Variants in NOVA2 observed in about 807,000 individuals in gnomAD.
NOVA2 encodes the protein RNA-binding protein Nova-2.
NOVA2 carries 9 observed loss-of-function variants against 22.5 expected under a neutral mutation model. That is an observed-to-expected ratio of 0.40 (90% CI 0.24 to 0.70). The LOEUF is 0.70. Among genes scored for constraint, NOVA2 ranks in the 30% least tolerant of loss-of-function variants. The pLI is 0.38. For synonymous variants in NOVA2, 318 were observed against 335.2 expected, an observed-to-expected ratio of 0.95 and a Z score of 0.56; for missense variants, 383 against 682.8, an observed-to-expected ratio of 0.56 and a Z score of 4.89.
chr19:45,947,483 C>CT (rs1440323992), intron 3 of NOVA2, among the ~76,000 whole-genome samples: 3 of 118,058 alleles, frequency 2.5e-5, no homozygotes, highest in Non-Finnish European at 5.4e-5. Flanking sequence ...TTTTTTTTTT[C>CT]TTTTTTTTGA....
At chr19:45,954,086 C>T (rs940499197) in intron 2 of NOVA2, 140 bp from the exon 3 acceptor site, 24 of 872,264 alleles carry the variant, frequency 2.8e-5, no homozygotes, top group South Asian at 1.4e-4. Flanking sequence ...CCTGGGGGAG[C>T]GGGCATGGGC....
intron 3 of NOVA2, among the ~76,000 whole-genome samples, chr19:45,951,097 G>A (rs1261143636): frequency 6.6e-6 from 1 of 152,184 alleles, no homozygotes; most frequent in Non-Finnish European, 1.5e-5. Flanking sequence ...AGAGCCACTG[G>A]TATAACCCAG....
intron 3 of NOVA2, 114 bp downstream of exon 3, chr19:45,953,666 G>A (rs1052045901): frequency 1.4e-4 from 179 of 1,319,272 alleles, no homozygotes; most frequent in Middle Eastern, 1.9e-4. Context: ...TTTGACTGAT[G>A]AGATTTTTAT....
chr19:45,940,457 G>C lies in NOVA2; in HGVS notation c.885C>G (p.Ser295=), dbSNP rs1315860627. 1 of 1,532,046 alleles carries C rather than the reference G, an allele frequency of 6.5e-7. No homozygotes were observed. Among genetic ancestry groups the C allele is most frequent in the African/African-American group, 1.4e-5 (1 of 69,324 alleles). The allele number at this position is 1,532,046 out of a possible 1,614,324, so 94.9% of individuals were successfully genotyped here. Residue 295 remains serine (S), a synonymous_variant, in exon 4 of 4, where the codon TCC becomes TCG. Transcript: ENST00000263257. ...TLASYGYNTN[S]LGLGLNSAAA... ...CGGCCGAGTTGAGGCCCAGGCCCAGGGAGTTGGTGTTGTAGCCGTAACTTG... is the reference window on the plus strand; with the variant it reads ...CGGCCGAGTTGAGGCCCAGGCCCAGCGAGTTGGTGTTGTAGCCGTAACTTG...
At chr19:45,950,895 T>G (rs1437370309) in intron 3 of NOVA2, among the ~76,000 whole-genome samples, 2 of 152,162 alleles carry the variant, frequency 1.3e-5, no homozygotes, top group South Asian at 4.1e-4. Flanking sequence ...GATTGGGAAA[T>G]GGAGGCACAA....
chr19:45,948,496 A>G (rs1258983103), intron 3 of NOVA2, among the ~76,000 whole-genome samples: 1 of 149,366 alleles, frequency 6.7e-6, no homozygotes, highest in Admixed American at 6.7e-5. Flanking sequence ...GCTACTCGGG[A>G]GGCTGAGGCA....
In NOVA2 at chr19:45,973,821, G is replaced by A. The variant is rs1968268981; in HGVS notation, c.-470C>T. ...GACTGGACGCGCCACTGGGGGGACG[G>A]GACTCCCCGCTTCTTCTTGGCTCCC... On this transcript the variant is annotated 5_prime_UTR_variant, in exon 1 of 4. Coordinates refer to ENST00000263257, the MANE Select transcript of NOVA2 (RefSeq NM_002516.4). Among the ~76,000 whole-genome samples the A allele has an allele frequency of 6.6e-6, 1 of 151,416 alleles. No homozygotes were observed. Among genetic ancestry groups the A allele is most frequent in the Non-Finnish European group, 1.5e-5 (1 of 67,714 alleles).
In NOVA2 at chr19:45,950,983, C is replaced by G. The variant is rs138581149; in HGVS notation, c.396+2797G>C. 2.1e-3 allele frequency among the ~76,000 whole-genome samples: 320 copies of G among 152,264 alleles called. 2 individuals carry two copies. The highest frequency in any genetic ancestry group is 7.5e-3 in the African/African-American group (313 of 41,546). On this transcript the variant is annotated intron_variant, in intron 3 of 3. Coordinates refer to ENST00000263257, the MANE Select transcript of NOVA2 (RefSeq NM_002516.4). ...CTGATCCCGGGCCAGAGTTTATGCT[C>G]AGATTCCTAAGCCTTACCAGAAATA...
intron 2 of NOVA2, among the ~76,000 whole-genome samples, chr19:45,956,660 G>A (rs535076359): frequency 1.3e-5 from 2 of 152,230 alleles, no homozygotes; most frequent in Admixed American, 1.3e-4. Context: ...TGTAGAGATG[G>A]GATTTCACCA....
At chr19:45,968,250 G>A (rs1968191104) in intron 1 of NOVA2, among the ~76,000 whole-genome samples, 1 of 152,078 alleles carries the variant, frequency 6.6e-6, no homozygotes, top group Non-Finnish European at 1.5e-5. Context: ...TGTTCTATGA[G>A]GGTACGAGGA....
At chr19:45,943,550 C>CA (rs1020636635) in intron 3 of NOVA2, among the ~76,000 whole-genome samples, 44 of 146,020 alleles carry the variant, frequency 3.0e-4, no homozygotes, top group East Asian at 1.2e-3. Context: ...CCCATCTCTA[C>CA]AAAAAAAAAA....
intron 2 of NOVA2, among the ~76,000 whole-genome samples, chr19:45,957,930 C>T (rs564543582): frequency 7.2e-5 from 11 of 151,766 alleles, no homozygotes; most frequent in African/African-American, 2.7e-4. Context: ...AACCCTGTCT[C>T]TACTAAAATA....
chr19:45,951,758 C>G (rs141456550), intron 3 of NOVA2, among the ~76,000 whole-genome samples: 11,851 of 152,158 alleles, frequency 0.078, 1,184 homozygotes, highest in African/African-American at 0.22. Context: ...GATCATACCA[C>G]TGCACTCCAG....
At chr19:45,946,955 T>C (rs1281280830) in intron 3 of NOVA2, among the ~76,000 whole-genome samples, 1 of 152,032 alleles carries the variant, frequency 6.6e-6, no homozygotes, top group Non-Finnish European at 1.5e-5. Flanking sequence ...TGTTCATGCA[T>C]GCACAAATGT....
At chr19:45,972,519 G>T (rs1968245555) in intron 1 of NOVA2, among the ~76,000 whole-genome samples, 1 of 152,058 alleles carries the variant, frequency 6.6e-6, no homozygotes, top group Non-Finnish European at 1.5e-5. Flanking sequence ...CCTTGGGGGT[G>T]ACAAGCACAC....
chr19:45,961,676 A>C (rs1229082660), intron 1 of NOVA2, among the ~76,000 whole-genome samples: 1 of 152,208 alleles, frequency 6.6e-6, no homozygotes, highest in Non-Finnish European at 1.5e-5. Context: ...TCCAAATACC[A>C]GTCCTTTGAA....
chr19:45,965,767 C>G (rs1012749667), intron 1 of NOVA2, among the ~76,000 whole-genome samples: 4 of 152,118 alleles, frequency 2.6e-5, no homozygotes, highest in Admixed American at 2.0e-4. Context: ...CTGATGGGCT[C>G]TATGCCCTTG....
intron 1 of NOVA2, among the ~76,000 whole-genome samples, chr19:45,968,304 A>T (rs1176531946): frequency 2.7e-5 from 4 of 150,880 alleles, no homozygotes; most frequent in African/African-American, 9.8e-5. Context: ...GCCTGTGGGG[A>T]TGCTGCTGGC....
At chr19:45,947,302 C>A (rs528315105) in intron 3 of NOVA2, among the ~76,000 whole-genome samples, 46 of 152,036 alleles carry the variant, frequency 3.0e-4, no homozygotes, top group African/African-American at 1.1e-3. Context: ...AAGGATGACA[C>A]GCCCACAGGC....
Sources: gnomAD v4.1 joint callset for allele counts (sites outside exome capture counted in the v4.1 genomes callset) on GRCh38, gnomAD v4.1.1 for gene constraint, MANE v1.5 for transcripts, NCBI Gene and HGNC (gene_info 2026-07-23, HGNC 2026-07-21) for gene names.